NSD1: variants seen among roughly 807,000 people sequenced by gnomAD.
The protein encoded by NSD1 is histone-lysine N-methyltransferase, H3 lysine-36 specific.
In NSD1, 26 loss-of-function variants were observed where a neutral mutation model predicts 242.7. The ratio of observed to expected loss-of-function variants is 0.11; its 90% CI spans 0.08 to 0.15. NSD1 has a LOEUF of 0.15. Among genes scored for constraint, NSD1 ranks in the 10% least tolerant of loss-of-function variants. NSD1 has a pLI of 1.00. For missense variants in NSD1, 2,495 were observed against 3,272.8 expected, an observed-to-expected ratio of 0.76 and a Z score of 5.80; for synonymous variants, 1,106 against 1,178.1, an observed-to-expected ratio of 0.94 and a Z score of 1.25.
intron 2 of NSD1, among the ~76,000 whole-genome samples, chr5:177,177,413 G>A (rs1390778039): frequency 6.6e-6 from 1 of 152,104 alleles, no homozygotes; most frequent in Non-Finnish European, 1.5e-5. Flanking sequence ...GGGAGGCTGA[G>A]GCAGGAGAAT....
intron 2 of NSD1, among the ~76,000 whole-genome samples, chr5:177,172,712 A>AT (rs1201705993): frequency 6.6e-6 from 1 of 152,162 alleles, no homozygotes; most frequent in East Asian, 1.9e-4. Flanking sequence ...TAATCCCAGC[A>AT]TTTTGAGAGG....
intron 3 of NSD1, among the ~76,000 whole-genome samples, chr5:177,201,933 G>A (rs996402904): frequency 9.2e-5 from 14 of 151,742 alleles, no homozygotes; most frequent in African/African-American, 2.6e-4. Flanking sequence ...TTGGGAGGCC[G>A]AGGCGGGCGG....
intron 11 of NSD1, 134 bp from the exon 12 acceptor site, chr5:177,251,596 C>A: frequency 1.2e-6 from 1 of 813,326 alleles, no homozygotes; most frequent in Non-Finnish European, 2.0e-6. Context: ...AAATCTACAA[C>A]TACGGGCCCT....
In NSD1 at chr5:177,251,851, C is replaced by T. The variant is rs750397772; in HGVS notation, c.4763C>T (p.Thr1588Ile). 1.2e-6 allele frequency: 2 copies of T among 1,614,040 alleles called. No homozygotes were observed. Among genetic ancestry groups the T allele is most frequent in the African/African-American group, 1.3e-5 (1 of 74,930 alleles). ...RGKFICNECR[T>I]GIHTCFVCKQ... ...AAATTTATCTGCAATGAATGTCGCACAGGTAAAGTAGATATCGAACGGTCT... is the reference window on the plus strand; with the variant it reads ...AAATTTATCTGCAATGAATGTCGCATAGGTAAAGTAGATATCGAACGGTCT... Residue 1588 changes from threonine to isoleucine, a missense_variant and splice_region_variant, in exon 12 of 23, where the codon ACA becomes ATA. Around this residue, in one of 19 missense-constraint regions of NSD1, gnomAD observed 27 missense variants for 43.1 expected, o/e 0.63. Coordinates refer to ENST00000439151, the MANE Select transcript of NSD1 (RefSeq NM_022455.5).
chr5:177,156,636 T>C (rs1306077773), intron 2 of NSD1, among the ~76,000 whole-genome samples: 1 of 152,106 alleles, frequency 6.6e-6, no homozygotes, highest in African/African-American at 2.4e-5. Flanking sequence ...GGCAATAATA[T>C]CAAGACCCCC....
chr5:177,294,084 A>T lies in NSD1; in HGVS notation c.6716A>T (p.Gln2239Leu). The T allele has an allele frequency of 1.2e-6, 2 of 1,614,094 alleles. No homozygotes were observed. Among genetic ancestry groups the T allele is most frequent in the Non-Finnish European group, 1.7e-6 (2 of 1,180,016 alleles). Residue 2239 changes from glutamine to leucine, a missense_variant, in exon 23 of 23, where the codon CAA (glutamine) becomes CTA (leucine). By Grantham distance (113) the Gln-to-Leu change is moderately radical (BLOSUM62 -2). Coordinates refer to ENST00000439151, the MANE Select transcript of NSD1 (RefSeq NM_022455.5). ...PPGPSTHLAEQSTGMAAQAPK... is the reference protein window; with the variant it reads ...PPGPSTHLAELSTGMAAQAPK... ...GGGCCAAGCACTCACCTGGCAGAGCAATCAACAGGAATGGCTGCTCAGGCA... is the reference window on the plus strand; with the variant it reads ...GGGCCAAGCACTCACCTGGCAGAGCTATCAACAGGAATGGCTGCTCAGGCA...
intron 5 of NSD1, among the ~76,000 whole-genome samples, chr5:177,225,073 A>G (rs1179836566): frequency 6.6e-6 from 1 of 152,104 alleles, no homozygotes; most frequent in Non-Finnish European, 1.5e-5. Context: ...AAAAATCTAT[A>G]CTCAAAGGAT....
chr5:177,279,805 G>C (rs1160345193), intron 17 of NSD1, among the ~76,000 whole-genome samples: 1 of 150,282 alleles, frequency 6.7e-6, no homozygotes, highest in African/African-American at 2.4e-5. Context: ...TTTGAGTAGA[G>C]ACGGGGTTTC....
chr5:177,274,953 C>G (rs1313552064), intron 17 of NSD1, among the ~76,000 whole-genome samples: 2 of 151,754 alleles, frequency 1.3e-5, no homozygotes, highest in Admixed American at 6.6e-5. Context: ...AGGCTGGTCT[C>G]GAACTCCTGA....
intron 2 of NSD1, among the ~76,000 whole-genome samples, chr5:177,178,319 C>G (rs150733111): frequency 6.6e-6 from 1 of 152,022 alleles, no homozygotes; most frequent in Non-Finnish European, 1.5e-5. Context: ...CTCCGCCTCC[C>G]GGGTTCAAGT....
intron 2 of NSD1, among the ~76,000 whole-genome samples, chr5:177,155,812 A>G (rs926357425): frequency 1.3e-5 from 2 of 151,616 alleles, no homozygotes; most frequent in South Asian, 2.1e-4. Context: ...CAGCTTCCCC[A>G]GTAGCTGGGA....
chr5:177,233,358 T>C (rs1247926958), intron 5 of NSD1, among the ~76,000 whole-genome samples: 3 of 152,006 alleles, frequency 2.0e-5, no homozygotes, highest in Non-Finnish European at 2.9e-5. Context: ...CGTGAGCTGC[T>C]GCACCCAGCC....
rs544946745 is a variant in NSD1 at position 177,183,461 on chromosome 5, T to C, written c.928-8423T>C. The stretch of plus-strand genomic sequence containing the variant: ...TATACCTAGGAGTAGAGTTACTGCA[T>C]CATATGGTCATTCTGTGTTTAAGAA... On this transcript the variant is annotated intron_variant, in intron 2 of 22. Transcript: ENST00000439151. Among the ~76,000 whole-genome samples the C allele has an allele frequency of 4.6e-5, 7 of 152,290 alleles. No individual in the cohort carries two copies. The East Asian group carries it at 1.2e-3, about 25-fold the overall frequency.
intron 5 of NSD1, among the ~76,000 whole-genome samples, chr5:177,221,470 T>C (rs1231976084): frequency 6.6e-6 from 1 of 152,182 alleles, no homozygotes; most frequent in Non-Finnish European, 1.5e-5. Context: ...AAACTCTTTT[T>C]TTCCCCCCAA....
chr5:177,217,247 T>C (rs1354170003), intron 5 of NSD1, among the ~76,000 whole-genome samples: 2 of 152,216 alleles, frequency 1.3e-5, no homozygotes, highest in Non-Finnish European at 2.9e-5. Context: ...TTAAGTATTC[T>C]ATTCTTTTTT....
chr5:177,280,976 CT>C lies in NSD1; in HGVS notation c.5892+143del, dbSNP rs1758826350. Reference sequence around the variant, plus strand: ...TATTGTTGTGTCTTGCCATATCCTTCTACCGTTTAGAGGCTTACGAATGGAT... The same window carrying C: ...TATTGTTGTGTCTTGCCATATCCTTCACCGTTTAGAGGCTTACGAATGGAT... On this transcript the variant is annotated intron_variant, in intron 18 of 22. Transcript: ENST00000439151. The C allele has an allele frequency of 3.1e-6, 3 of 966,958 alleles. No homozygotes were observed. The Admixed American group carries it at 7.3e-5, about 23-fold the overall frequency. 59.9% of individuals were successfully genotyped at this position (966,958 alleles called of 1,614,324 possible). A position where few individuals can be genotyped will look rare whatever the true frequency, so the allele number is the denominator to read the frequency against.
intron 2 of NSD1, among the ~76,000 whole-genome samples, chr5:177,186,070 GTTATATATAATATA>G (rs1423240919): frequency 2.9e-4 from 29 of 100,736 alleles, no homozygotes; most frequent in Non-Finnish European, 4.6e-4. Context: ...TATAATATAT[GTTATATATAATATA>G]TTATATATAA....
intron 2 of NSD1, among the ~76,000 whole-genome samples, chr5:177,152,838 T>C (rs1757840126): frequency 6.6e-6 from 1 of 150,834 alleles, no homozygotes; most frequent in Non-Finnish European, 1.5e-5. Context: ...GCGTGTGCCC[T>C]CAACGCCTGG....
At chr5:177,192,914 T>C (rs547056184) in intron 3 of NSD1, among the ~76,000 whole-genome samples, 1 of 152,358 alleles carries the variant, frequency 6.6e-6, no homozygotes, top group Non-Finnish European at 1.5e-5. Flanking sequence ...GGAATCACCT[T>C]TTAGTATATT....
Sources: gnomAD v4.1 joint callset for allele counts (sites outside exome capture counted in the v4.1 genomes callset) on GRCh38, gnomAD v4.1.1 for gene constraint, gnomAD v4.1.1 regional missense constraint, MANE v1.5 for transcripts, NCBI Gene and HGNC (gene_info 2026-07-23, HGNC 2026-07-21) for gene names.